The following CEP192 variants were observed in gnomAD, a reference collection of about 807,000 sequenced individuals.
CEP192 encodes the protein centrosomal protein of 192 kDa.
CEP192 carries 151 observed loss-of-function variants against 271.8 expected under a neutral mutation model. That is an observed-to-expected ratio of 0.56 (90% CI 0.49 to 0.64). The LOEUF (loss-of-function observed/expected upper bound fraction) is 0.64. Among genes scored for constraint, CEP192 ranks in the 30% least tolerant of loss-of-function variants. The probability of loss-of-function intolerance (pLI) is 0.00; values close to 1 mark genes in which losing one functional copy is unlikely to be tolerated. For synonymous variants in CEP192, 995 were observed against 1,076.5 expected (o/e 0.92, Z 1.48); for missense variants, 2,910 against 3,020.5 (o/e 0.96, Z 0.86).
At chr18:13,057,771 G>T in intron 20 of CEP192, 38 bp downstream of exon 20, 4 of 1,596,366 alleles carry the variant, frequency 2.5e-6, no homozygotes, top group Non-Finnish European at 3.4e-6. Flanking sequence ...CCTAACAGTT[G>T]CATTGTGATT....
At chr18:13,046,028 A>T (rs1408571054) in intron 15 of CEP192, among the ~76,000 whole-genome samples, 2 of 152,204 alleles carry the variant, frequency 1.3e-5, no homozygotes, top group Non-Finnish European at 2.9e-5. Flanking sequence ...CTATCAAGAA[A>T]TACCTGAGAC....
At position 13,099,461 on chromosome 18, in the gene CEP192, T is replaced by G; in HGVS notation, c.6558-15T>G. 7.7e-7 allele frequency: 1 copy of G among 1,306,112 alleles called. No homozygotes were observed. The highest frequency in any genetic ancestry group is 2.1e-5 in the Admixed American group (1 of 46,596). The allele number at this position is 1,306,112 out of a possible 1,614,324, so 80.9% of individuals were successfully genotyped here. On this transcript the variant is annotated splice_polypyrimidine_tract_variant and intron_variant, in intron 36 of 44. Coordinates refer to ENST00000506447, the MANE Select transcript of CEP192 (RefSeq NM_032142.4). Reference sequence around the variant, plus strand: ...TGCAGGCTCTTTTTAATTTTCTTATTAATTTTTTTTAAAGGAGTAAACTAC... The same window carrying G: ...TGCAGGCTCTTTTTAATTTTCTTATGAATTTTTTTTAAAGGAGTAAACTAC...
intron 12 of CEP192, 98 bp from the exon 13 acceptor site, chr18:13,038,272 T>A: frequency 2.0e-6 from 2 of 1,023,766 alleles, no homozygotes; most frequent in Non-Finnish European, 2.8e-6. Context: ...AATTACTTTT[T>A]AAATTTTCTT....
At chr18:13,011,526 GTTTTGT>G (rs1281950667) in intron 4 of CEP192, among the ~76,000 whole-genome samples, 11 of 69,812 alleles carry the variant, frequency 1.6e-4, no homozygotes, top group South Asian at 8.7e-4. Context: ...GTTTTGTTTT[GTTTTGT>G]TTTTTTTTGA....
chr18:13,018,044 A>G (rs1462763264), intron 7 of CEP192, among the ~76,000 whole-genome samples: 1 of 152,182 alleles, frequency 6.6e-6, no homozygotes, highest in African/African-American at 2.4e-5. Context: ...CGTTTTGGCA[A>G]GAATACAGAT....
rs757547076 is a variant in CEP192 at position 13,049,597 on chromosome 18, C to G, written c.2806C>G (p.Gln936Glu). 7.4e-6 allele frequency: 12 copies of G among 1,613,764 alleles called. No individual in the cohort carries two copies. Among genetic ancestry groups the G allele is most frequent in the Non-Finnish European group, 9.3e-6 (11 of 1,179,948 alleles). Reference protein sequence around the residue: ...EIRDNRENQRQNECVSEISNS... With the variant: ...EIRDNRENQRENECVSEISNS... The stretch of plus-strand genomic sequence containing the variant: ...ACGAGATAACAGAGAAAATCAGAGG[C>G]AAAATGAGTGTGTCAGTGAAATAAG... The change falls in exon 16 of 45, where the codon CAA (glutamine) becomes GAA (glutamate). Residue 936 changes from glutamine to glutamate, a missense_variant. By Grantham distance (29) the Gln-to-Glu change is conservative. Coordinates refer to ENST00000506447, the MANE Select transcript of CEP192 (RefSeq NM_032142.4).
chr18:13,062,526 A>ATTTT (rs35231926), intron 21 of CEP192, among the ~76,000 whole-genome samples: 1 of 145,346 alleles, frequency 6.9e-6, no homozygotes, highest in African/African-American at 2.5e-5. Context: ...GTACTGTTAG[A>ATTTT]TTTTTTTTTT....
intron 34 of CEP192, among the ~76,000 whole-genome samples, chr18:13,094,527 T>G (rs2039296982): frequency 6.6e-6 from 1 of 152,206 alleles, no homozygotes; most frequent in Admixed American, 6.5e-5. Flanking sequence ...CGTCCTTCTT[T>G]GCGCACTTTC....
chr18:12,995,931 A>G (rs1452139323), intron 1 of CEP192, among the ~76,000 whole-genome samples: 1 of 152,182 alleles, frequency 6.6e-6, no homozygotes, highest in Non-Finnish European at 1.5e-5. Flanking sequence ...GATGACTGGA[A>G]TGGAGTGAGC....
At chr18:13,092,305 C>G (rs2039183004) in intron 33 of CEP192, 72 bp from the exon 34 acceptor site, 4 of 1,076,228 alleles carry the variant, frequency 3.7e-6, no homozygotes, top group Non-Finnish European at 4.1e-6. Context: ...TATAAATATA[C>G]AAATGTATCT....
chr18:13,063,828 T>A (rs1265788388), intron 21 of CEP192, among the ~76,000 whole-genome samples: 1 of 151,506 alleles, frequency 6.6e-6, no homozygotes, highest in Non-Finnish European at 1.5e-5. Flanking sequence ...CAATTTTTTT[T>A]TTTTTTTTTT....
intron 9 of CEP192, among the ~76,000 whole-genome samples, chr18:13,021,196 T>TA (rs1446044707): frequency 6.6e-6 from 1 of 152,218 alleles, no homozygotes; most frequent in Non-Finnish European, 1.5e-5. Flanking sequence ...AGTTAGCTCT[T>TA]ACATTTAGAT....
rs1388989762 is a variant in CEP192, at chr18:13,124,870, A to G, written c.*100A>G. On this transcript the variant is annotated 3_prime_UTR_variant, in exon 45 of 45. Coordinates refer to ENST00000506447, the MANE Select transcript of CEP192 (RefSeq NM_032142.4). ...TGCTTTTGTATATATATTTTGTATGATGGATATCTATAATTGTAGATTTTG... is the reference window on the plus strand; with the variant it reads ...TGCTTTTGTATATATATTTTGTATGGTGGATATCTATAATTGTAGATTTTG... 1.1e-6 allele frequency: 1 copy of G among 939,950 alleles called. No homozygotes were observed. Among genetic ancestry groups the G allele is most frequent in the Non-Finnish European group, 1.6e-6 (1 of 643,082 alleles). 58.2% of individuals were successfully genotyped at this position (939,950 alleles called of 1,614,324 possible).
intron 1 of CEP192, among the ~76,000 whole-genome samples, chr18:12,995,093 G>A (rs1257709096): frequency 1.6e-5 from 2 of 127,220 alleles, no homozygotes; most frequent in Middle Eastern, 5.5e-3. Flanking sequence ...ACGGAGTCTC[G>A]CTCTGTCGCC....
chr18:13,095,781 C>A, intron 35 of CEP192, 100 bp downstream of exon 35: 3 of 1,031,884 alleles, frequency 2.9e-6, no homozygotes, highest in South Asian at 1.6e-5. Context: ...TGGGCTCCTG[C>A]ACATTGAGCT....
At chr18:13,118,926 A>G (rs1027809285) in intron 44 of CEP192, among the ~76,000 whole-genome samples, 1 of 152,188 alleles carries the variant, frequency 6.6e-6, no homozygotes. Flanking sequence ...TTTAATCCCT[A>G]TGACAACTAC....
chr18:13,096,365 CTAA>C, intron 36 of CEP192, 58 bp downstream of exon 36: 1 of 1,582,282 alleles, frequency 6.3e-7, no homozygotes, highest in South Asian at 1.1e-5. Context: ...TGGTGACTTT[CTAA>C]AGATCAAATA....
At chr18:13,111,843 A>G (rs766570156) in intron 40 of CEP192, among the ~76,000 whole-genome samples, 2 of 152,268 alleles carry the variant, frequency 1.3e-5, no homozygotes, top group Non-Finnish European at 2.9e-5. Context: ...AAGAAAACAT[A>G]CAAGTGGTCA....
intron 15 of CEP192, among the ~76,000 whole-genome samples, chr18:13,046,075 A>G (rs935708679): frequency 2.3e-4 from 35 of 152,294 alleles, no homozygotes; most frequent in Middle Eastern, 3.4e-3. Flanking sequence ...TAACGGGCCC[A>G]TAGTTCTGCA....
Sources: allele counts gnomAD v4.1 joint callset (sites outside exome capture counted in the v4.1 genomes callset), GRCh38; gene constraint gnomAD v4.1.1; transcripts MANE v1.5; gene names NCBI Gene and HGNC (gene_info 2026-07-23, HGNC 2026-07-21).